Variants in CCDC50 observed in about 807,000 individuals in gnomAD.
The protein encoded by CCDC50 is coiled-coil domain-containing protein 50.
CCDC50 carries 54 observed loss-of-function variants against 70.2 expected under a neutral mutation model. The observed-to-expected ratio is 0.77, with a 90% CI of 0.62 to 0.96. The LOEUF (loss-of-function observed/expected upper bound fraction) is 0.96, where lower values mean the gene tolerates loss of function less well. CCDC50 is among the 50% of genes least tolerant of loss of function. The pLI is 0.00. For missense variants in CCDC50, 558 were observed against 578.7 expected (o/e 0.96, Z 0.37); for synonymous variants, 216 against 198.8 (o/e 1.09, Z -0.73).
intron 1 of CCDC50, among the ~76,000 whole-genome samples, chr3:191,353,863 C>CA (rs879335762): frequency 6.1e-5 from 6 of 98,296 alleles, no homozygotes; most frequent in Non-Finnish European, 1.5e-4. Context: ...CATTGAAAAT[C>CA]TTCCAGATCC....
Position 191,351,782 on chromosome 3 carries a change from C to G in CCDC50, c.50-5306C>G, listed in dbSNP as rs1385426069. On this transcript the variant is annotated intron_variant, in intron 1 of 11. Transcript: ENST00000392455. The stretch of plus-strand genomic sequence containing the variant: ...CCAGGAAGCCTATGTAAAAAAAGAA[C>G]CAATTCCTTATGAGGGTGCACAGGG... 1.4e-5 allele frequency among the ~76,000 whole-genome samples: 2 copies of G among 141,086 alleles called. 1 individual carries two copies. Among genetic ancestry groups the G allele is most frequent in the African/African-American group, 5.0e-5 (2 of 39,672 alleles). The allele number at this position is 141,086 out of a possible 152,430, so 92.6% of individuals were successfully genotyped here. A position where few individuals can be genotyped will look rare whatever the true frequency, so the allele number is the denominator to read the frequency against.
At chr3:191,339,400 A>G (rs1335470648) in intron 1 of CCDC50, among the ~76,000 whole-genome samples, 1 of 152,200 alleles carries the variant, frequency 6.6e-6, no homozygotes, top group East Asian at 1.9e-4. Flanking sequence ...TCTATATAAA[A>G]AAAGTGAGGC....
In CCDC50 at chr3:191,375,045, C is replaced by A; in HGVS notation, c.449-17C>A. ...AATCTGCATTTTTATTTTTCACATC[C>A]CTCTGCCTCCACTCAGACCAACCAG... is the stretch of plus-strand genomic sequence containing the variant. On this transcript the variant is annotated splice_polypyrimidine_tract_variant and intron_variant, in intron 5 of 11. Coordinates refer to ENST00000392455, the MANE Select transcript of CCDC50 (RefSeq NM_178335.3). The A allele has an allele frequency of 6.2e-7, 1 of 1,612,534 alleles. No individual in the cohort carries two copies. Among genetic ancestry groups the A allele is most frequent in the South Asian group, 1.1e-5 (1 of 90,902 alleles).
chr3:191,350,027 G>A lies in CCDC50; in HGVS notation c.50-7061G>A. On this transcript the variant is annotated intron_variant, in intron 1 of 11. Transcript: ENST00000392455. ...GCAGAAATATCTGGGGCAAGAAGAG[G>A]TGGATTTGATTTCCAGTTCATTTGT... Among the ~76,000 whole-genome samples, 2 of 125,780 alleles carry A rather than the reference G, an allele frequency of 1.6e-5. 1 individual carries two copies. Among genetic ancestry groups the A allele is most frequent in the Non-Finnish European group, 3.5e-5 (2 of 57,288 alleles). 82.5% of individuals were successfully genotyped at this position (125,780 alleles called of 152,430 possible).
intron 4 of CCDC50, among the ~76,000 whole-genome samples, chr3:191,367,925 C>G (rs1470238368): frequency 6.6e-6 from 1 of 151,914 alleles, no homozygotes; most frequent in Non-Finnish European, 1.5e-5. Flanking sequence ...GCTATCTGTC[C>G]CGTTCCTCTC....
intron 5 of CCDC50, among the ~76,000 whole-genome samples, chr3:191,373,320 G>T (rs1164271373): frequency 6.6e-6 from 1 of 152,078 alleles, no homozygotes; most frequent in African/African-American, 2.4e-5. Flanking sequence ...AACTTTTTCA[G>T]TCAGCTCTGT....
chr3:191,381,007 G>A, intron 9 of CCDC50, 75 bp downstream of exon 9: 1 of 1,121,218 alleles, frequency 8.9e-7, no homozygotes, highest in South Asian at 1.4e-5. Flanking sequence ...TTTGAGTTAA[G>A]CTCTGCAAAT....
At chr3:191,367,971 G>C (rs985059779) in intron 4 of CCDC50, among the ~76,000 whole-genome samples, 1 of 152,010 alleles carries the variant, frequency 6.6e-6, no homozygotes, top group Non-Finnish European at 1.5e-5. Context: ...AGATATTAAA[G>C]CTAAAGAATC....
intron 5 of CCDC50, 71 bp from the exon 6 acceptor site, chr3:191,374,991 T>G: frequency 6.8e-7 from 1 of 1,468,782 alleles, no homozygotes; most frequent in Non-Finnish European, 9.5e-7. Context: ...CTCCCCCCTG[T>G]GTAGTGAGTT....
intron 6 of CCDC50, among the ~76,000 whole-genome samples, chr3:191,377,874 C>T (rs985486299): frequency 6.6e-6 from 1 of 152,086 alleles, no homozygotes; most frequent in Non-Finnish European, 1.5e-5. Context: ...AAATACCACT[C>T]ACCTGATTTT....
intron 1 of CCDC50, among the ~76,000 whole-genome samples, chr3:191,354,473 C>A (rs1233126674): frequency 6.6e-6 from 1 of 152,130 alleles, no homozygotes; most frequent in Non-Finnish European, 1.5e-5. Context: ...TGATTCTCCA[C>A]ATGGAAAAAT....
chr3:191,329,660 G>A lies in CCDC50; in HGVS notation c.-15G>A. On this transcript the variant is annotated 5_prime_UTR_variant, in exon 1 of 12. Transcript: ENST00000392455. ...GAAGCCCGCGTTAAAGGGGCAACCG[G>A]GACCCTGGCCCGGTATGGCTGAAGT... The A allele has an allele frequency of 6.2e-7, 1 of 1,606,830 alleles. No homozygotes were observed.
At chr3:191,358,768 A>G (rs1389379477) in intron 3 of CCDC50, among the ~76,000 whole-genome samples, 1 of 152,204 alleles carries the variant, frequency 6.6e-6, no homozygotes, top group Non-Finnish European at 1.5e-5. Flanking sequence ...TTCTTCTTTG[A>G]GAGTGGCTCT....
Position 191,357,982 on chromosome 3 carries a change from A to AAG in CCDC50, c.113-15_113-14insGA. 2 of 1,613,834 alleles carry AAG rather than the reference A, an allele frequency of 1.2e-6. No homozygotes were observed. The highest frequency in any genetic ancestry group is 1.7e-6 in the Non-Finnish European group (2 of 1,179,816). On this transcript the variant is annotated splice_polypyrimidine_tract_variant and intron_variant, in intron 2 of 11. Coordinates refer to ENST00000392455, the MANE Select transcript of CCDC50 (RefSeq NM_178335.3). ...CAAGACATTATTCATTCCTGTCCTCAATCTTTTTGTTCCAGTTGAGCATCA... is the reference window on the plus strand; with the variant it reads ...CAAGACATTATTCATTCCTGTCCTCAAGATCTTTTTGTTCCAGTTGAGCATCA...
chr3:191,361,797 A>T (rs937905541), intron 4 of CCDC50, among the ~76,000 whole-genome samples: 1 of 152,176 alleles, frequency 6.6e-6, no homozygotes, highest in Non-Finnish European at 1.5e-5. Context: ...AGGGCACACT[A>T]TTCAGCTTAC....
At chr3:191,349,966 A>ACCCCTCCC (rs1712050029) in intron 1 of CCDC50, among the ~76,000 whole-genome samples, 1 of 105,622 alleles carries the variant, frequency 9.5e-6, no homozygotes, top group Non-Finnish European at 2.2e-5. Context: ...ATTTAATAAT[A>ACCCCTCCC]CCCCCCCCCT....
chr3:191,380,721 C>A lies in CCDC50; in HGVS notation c.1127C>A (p.Ala376Asp). 1 of 1,612,692 alleles carries A rather than the reference C, an allele frequency of 6.2e-7. No individual in the cohort carries two copies. Residue 376 changes from alanine (A) to aspartate (D), a missense_variant, in exon 8 of 12, where the codon GCT (alanine) becomes GAT (aspartate). Transcript: ENST00000392455. The stretch of plus-strand genomic sequence containing the variant: ...GTGGACATGAGAGCCGCTCAAGTAG[C>A]TCAAGATGAAGTAAGTTAATGAGTT... Reference protein sequence around the residue: ...TQVDMRAAQVAQDEEIARLLM... With the variant: ...TQVDMRAAQVDQDEEIARLLM...
At chr3:191,357,346 C>G (rs904855744) in intron 2 of CCDC50, among the ~76,000 whole-genome samples, 196 bp downstream of exon 2, 26 of 152,076 alleles carry the variant, frequency 1.7e-4, no homozygotes, top group African/African-American at 6.0e-4. Context: ...GATAGGCTGC[C>G]AGGAATTAGT....
At chr3:191,390,935 C>G (rs993174301) in intron 11 of CCDC50, among the ~76,000 whole-genome samples, 14 of 152,100 alleles carry the variant, frequency 9.2e-5, no homozygotes, top group African/African-American at 2.9e-4. Context: ...CAAGGATCTG[C>G]GTTCACTTAT....
Sources: gnomAD v4.1 joint callset for allele counts (sites outside exome capture counted in the v4.1 genomes callset) on GRCh38, gnomAD v4.1.1 for gene constraint, MANE v1.5 for transcripts, NCBI Gene and HGNC (gene_info 2026-07-23, HGNC 2026-07-21) for gene names.